Variants in DNAH12 observed in about 807,000 individuals in gnomAD.
DNAH12 encodes dynein axonemal heavy chain 12.
Under a neutral mutation model 371.5 loss-of-function variants are expected in DNAH12, and 285 were observed. The ratio of observed to expected loss-of-function variants is 0.77; its 90% confidence interval spans 0.70 to 0.85. DNAH12 has a LOEUF of 0.85. Among genes scored for constraint, DNAH12 ranks in the 40% least tolerant of loss-of-function variants. The probability of loss-of-function intolerance (pLI) is 0.00; values close to 1 mark genes in which losing one functional copy is unlikely to be tolerated. For missense variants in DNAH12, 3,611 were observed against 3,689.4 expected (o/e 0.98, Z 0.55); for synonymous variants, 1,200 against 1,213.0 (o/e 0.99, Z 0.22).
At chr3:57,369,962 T>C (rs1169129607) in intron 55 of DNAH12, among the ~76,000 whole-genome samples, 28 of 152,126 alleles carry the variant, frequency 1.8e-4, no homozygotes, top group African/African-American at 6.3e-4. Flanking sequence ...TACTGGAAAA[T>C]TGGATTGTTG....
At chr3:57,424,948 T>C (rs2064717084) in intron 35 of DNAH12, 74 bp downstream of exon 35, 1 of 636,050 alleles carries the variant, frequency 1.6e-6, no homozygotes, top group Non-Finnish European at 2.8e-6. Context: ...TGTCATGTCT[T>C]TCTCAATATA....
chr3:57,349,166 G>C (rs1553659269), intron 60 of DNAH12, among the ~76,000 whole-genome samples: 1 of 152,114 alleles, frequency 6.6e-6, no homozygotes, highest in Non-Finnish European at 1.5e-5. Context: ...AGTGAGCTAA[G>C]GACATGAATA....
chr3:57,458,877 G>A (rs527625986), intron 20 of DNAH12, among the ~76,000 whole-genome samples: 2 of 152,206 alleles, frequency 1.3e-5, no homozygotes, highest in African/African-American at 4.8e-5. Context: ...AAAAATTGCT[G>A]ACCTCTGATC....
chr3:57,490,193 T>G (rs945658005), intron 11 of DNAH12, among the ~76,000 whole-genome samples: 10 of 152,080 alleles, frequency 6.6e-5, no homozygotes, highest in Non-Finnish European at 5.9e-5. Context: ...AAGCCAGGCA[T>G]GATGGTTTGA....
chr3:57,321,129 C>T (rs2061795732), intron 65 of DNAH12, among the ~76,000 whole-genome samples: 1 of 152,144 alleles, frequency 6.6e-6, no homozygotes, highest in Non-Finnish European at 1.5e-5. Context: ...CAAAATTTCC[C>T]TTCTCTTTCT....
At chr3:57,515,626 T>A (rs895068881) in intron 4 of DNAH12, among the ~76,000 whole-genome samples, 9 of 151,606 alleles carry the variant, frequency 5.9e-5, no homozygotes, top group African/African-American at 9.7e-5. Context: ...ATAATTATTA[T>A]TAATAATAAT....
At chr3:57,481,903 C>T (rs1402031755) in intron 13 of DNAH12, among the ~76,000 whole-genome samples, 1 of 152,100 alleles carries the variant, frequency 6.6e-6, no homozygotes, top group African/African-American at 2.4e-5. Context: ...TTCCTTACAC[C>T]TCATACAAAA....
intron 45 of DNAH12, among the ~76,000 whole-genome samples, chr3:57,389,795 C>A (rs1386094416): frequency 1.1e-5 from 1 of 87,064 alleles, no homozygotes; most frequent in Non-Finnish European, 2.6e-5. Context: ...TATATATACA[C>A]ATATGTGTGT....
intron 22 of DNAH12, 41 bp from the exon 23 acceptor site, chr3:57,454,935 T>G (rs1229970432): frequency 6.5e-7 from 1 of 1,527,810 alleles, no homozygotes. Context: ...AAAGCTTGAA[T>G]GAGAAAAAAT....
intron 43 of DNAH12, chr3:57,402,546 A>C: frequency 1.3e-6 from 1 of 773,980 alleles, no homozygotes; most frequent in Non-Finnish European, 1.9e-6. Context: ...TCCTCTCTGA[A>C]CTGGAATAAA....
At chr3:57,339,755 G>A (rs1340539139) in intron 60 of DNAH12, among the ~76,000 whole-genome samples, 6 of 152,032 alleles carry the variant, frequency 3.9e-5, no homozygotes, top group African/African-American at 1.4e-4. Flanking sequence ...ATGCTCCTGA[G>A]TGACCAATTG....
intron 2 of DNAH12, chr3:57,530,984 T>A (rs1366554702): frequency 1.3e-5 from 2 of 153,430 alleles, no homozygotes; most frequent in African/African-American, 2.4e-5. Context: ...ACATCTGTAC[T>A]ATGTCTTGAA....
intron 7 of DNAH12, 21 bp from the exon 8 acceptor site, chr3:57,507,859 T>C (rs1399233233): frequency 6.5e-7 from 1 of 1,548,158 alleles, no homozygotes; most frequent in Non-Finnish European, 8.6e-7. Context: ...GAAAAAGAAA[T>C]GTGATTTGAA....
chr3:57,308,525 C>T (rs551162700), intron 69 of DNAH12, among the ~76,000 whole-genome samples: 1 of 152,306 alleles, frequency 6.6e-6, no homozygotes, highest in African/African-American at 2.4e-5. Context: ...TCATTCCAGA[C>T]ACCAGATCAA....
At position 57,510,958 on chromosome 3, in the gene DNAH12, G is replaced by C; in HGVS notation, c.301C>G (p.Gln101Glu). The C allele has an allele frequency of 6.2e-7, 1 of 1,601,374 alleles. No homozygotes were observed. Among genetic ancestry groups the C allele is most frequent in the Non-Finnish European group, 8.5e-7 (1 of 1,177,366 alleles). ...KKGFNYIYMK[Q>E]CVESSPLVPI... ...ACTAAAGGACTACTTTCTACACATT[G>C]CTTCATATAAATATAGTTGAACTGA... The change falls in exon 5 of 74, where the codon CAA (glutamine) becomes GAA (glutamate). Residue 101 changes from glutamine (Q) to glutamate (E), a missense_variant. Transcript: ENST00000495027.
intron 2 of DNAH12, among the ~76,000 whole-genome samples, chr3:57,540,903 C>G (rs1177117500): frequency 3.3e-5 from 5 of 151,684 alleles, no homozygotes; most frequent in Admixed American, 2.6e-4. Flanking sequence ...ATACTCCAGC[C>G]TGGGTGACAG....
chr3:57,435,765 T>C (rs2065103992), intron 30 of DNAH12, among the ~76,000 whole-genome samples: 1 of 152,196 alleles, frequency 6.6e-6, no homozygotes, highest in Non-Finnish European at 1.5e-5. Context: ...GAGACCAGCC[T>C]GGGCGATATC....
chr3:57,555,425 G>C, the DNAH12 span, among the ~76,000 whole-genome samples: 55 of 152,086 alleles, frequency 3.6e-4, no homozygotes, highest in African/African-American at 1.2e-3. Flanking sequence ...TTGCCTGTTT[G>C]TACTTGAGAG....
intron 36 of DNAH12, 102 bp from the exon 37 acceptor site, chr3:57,419,620 A>T (rs9833502): frequency 0.25 from 204,977 of 810,802 alleles, 31,269 homozygotes; most frequent in African/African-American, 0.63. Context: ...TTAAAAACTT[A>T]AGTCTTCCCC....
Sources: allele counts gnomAD v4.1 joint callset (sites outside exome capture counted in the v4.1 genomes callset), GRCh38; gene constraint gnomAD v4.1.1; transcripts MANE v1.5; gene names NCBI Gene and HGNC (gene_info 2026-07-23, HGNC 2026-07-21).